SYNPR: variants seen among roughly 807,000 people sequenced by gnomAD.
SYNPR encodes the protein synaptoporin.
Under a neutral mutation model 32.9 loss-of-function variants are expected in SYNPR, and 23 were observed. The ratio of observed to expected loss-of-function variants is 0.70; its 90% CI spans 0.50 to 0.99. The LOEUF is 0.99. Among genes scored for constraint, SYNPR ranks in the 50% least tolerant of loss-of-function variants. SYNPR has a pLI of 0.00. For synonymous variants in SYNPR, 146 were observed against 135.9 expected, an observed-to-expected ratio of 1.07 and a Z score of -0.52; for missense variants, 318 against 349.3, an observed-to-expected ratio of 0.91 and a Z score of 0.71.
intron 3 of SYNPR, among the ~76,000 whole-genome samples, chr3:63,503,355 T>G (rs889676956): frequency 3.3e-5 from 5 of 152,162 alleles, no homozygotes; most frequent in Non-Finnish European, 7.4e-5. Context: ...CAGTCCTTTA[T>G]GAAATGTATC....
intron 2 of SYNPR, among the ~76,000 whole-genome samples, chr3:63,319,037 T>C (rs1372075874): frequency 2.0e-5 from 3 of 152,054 alleles, no homozygotes; most frequent in Non-Finnish European, 1.5e-5. Context: ...CTTCTGGGTC[T>C]AGCCACCCAG....
chr3:63,222,011 ATTTTTT>A, the SYNPR span, among the ~76,000 whole-genome samples: 27 of 56,414 alleles, frequency 4.8e-4, no homozygotes, highest in Admixed American at 1.0e-3. Flanking sequence ...GCCATGCTCA[ATTTTTT>A]TTTTTTTTTT....
intron 2 of SYNPR, among the ~76,000 whole-genome samples, chr3:63,391,290 G>A (rs543673086): frequency 6.6e-6 from 1 of 152,290 alleles, no homozygotes; most frequent in South Asian, 2.1e-4. Flanking sequence ...TTGCACCAAT[G>A]TGTCTCTGTG....
At chr3:63,279,799 A>G (rs928404672) in intron 2 of SYNPR, among the ~76,000 whole-genome samples, 8 of 152,198 alleles carry the variant, frequency 5.3e-5, no homozygotes, top group Non-Finnish European at 1.2e-4. Context: ...GTTTACACGG[A>G]TGATCTACAA....
intron 2 of SYNPR, among the ~76,000 whole-genome samples, chr3:63,320,913 C>T (rs578036077): frequency 2.3e-4 from 35 of 152,140 alleles, no homozygotes; most frequent in Admixed American, 1.7e-3. Flanking sequence ...AAATTATCAT[C>T]GAAAACTTGT....
At chr3:63,402,362 A>G (rs1276004770) in intron 2 of SYNPR, among the ~76,000 whole-genome samples, 1 of 152,168 alleles carries the variant, frequency 6.6e-6, no homozygotes, top group Non-Finnish European at 1.5e-5. Context: ...AATCTCCCCC[A>G]GTTGAGAACC....
chr3:63,259,250 C>T (rs1008677815), intron 2 of SYNPR, among the ~76,000 whole-genome samples: 2 of 152,182 alleles, frequency 1.3e-5, no homozygotes, highest in African/African-American at 4.8e-5. Context: ...GATACCAAAG[C>T]ATGGCAGAGA....
chr3:63,452,764 T>C (rs142276171), intron 2 of SYNPR, among the ~76,000 whole-genome samples: 44 of 152,276 alleles, frequency 2.9e-4, no homozygotes, highest in Non-Finnish European at 5.1e-4. Flanking sequence ...TTAGGTGCGT[T>C]TGACCCCAAG....
At chr3:63,402,342 G>A (rs939752695) in intron 2 of SYNPR, among the ~76,000 whole-genome samples, 2 of 152,050 alleles carry the variant, frequency 1.3e-5, no homozygotes, top group African/African-American at 4.8e-5. Flanking sequence ...GGTAGAACGG[G>A]GAGAGGCAGA....
intron 2 of SYNPR, among the ~76,000 whole-genome samples, chr3:63,409,031 A>C (rs2107115010): frequency 6.6e-6 from 1 of 151,932 alleles, no homozygotes; most frequent in Middle Eastern, 3.4e-3. Context: ...ACCCCTCCAA[A>C]CCAGGTGAAC....
At chr3:63,407,395 C>T (rs543564493) in intron 2 of SYNPR, among the ~76,000 whole-genome samples, 19 of 152,246 alleles carry the variant, frequency 1.2e-4, no homozygotes, top group African/African-American at 4.3e-4. Context: ...ATATAGTGGT[C>T]GAATCTGTGG....
intron 2 of SYNPR, chr3:63,443,466 T>C: frequency 6.2e-7 from 1 of 1,606,986 alleles, no homozygotes; most frequent in Non-Finnish European, 8.5e-7. Flanking sequence ...TGATATTTGC[T>C]CCGGTAAGTT....
chr3:63,452,949 T>G (rs1200947885), intron 2 of SYNPR, among the ~76,000 whole-genome samples: 2 of 152,148 alleles, frequency 1.3e-5, no homozygotes, highest in Non-Finnish European at 2.9e-5. Context: ...TTGTATGTAC[T>G]GAGAGTGTCG....
intron 3 of SYNPR, among the ~76,000 whole-genome samples, chr3:63,547,916 G>C (rs527623456): frequency 3.9e-5 from 6 of 152,268 alleles, no homozygotes; most frequent in Admixed American, 2.0e-4. Flanking sequence ...ATTTGGCATG[G>C]TGCCTGGGCT....
chr3:63,345,464 C>G (rs549071654), intron 2 of SYNPR, among the ~76,000 whole-genome samples: 1 of 152,254 alleles, frequency 6.6e-6, no homozygotes, highest in African/African-American at 2.4e-5. Flanking sequence ...TGTCGGGCTG[C>G]AGAAGAGAAG....
At chr3:63,600,778 G>C (rs1211176320) in intron 4 of SYNPR, among the ~76,000 whole-genome samples, 1 of 152,124 alleles carries the variant, frequency 6.6e-6, no homozygotes, top group Non-Finnish European at 1.5e-5. Context: ...TAAGTTTCTT[G>C]AGGCCTCCCC....
At chr3:63,430,850 T>A (rs1197987175) in intron 2 of SYNPR, among the ~76,000 whole-genome samples, 1 of 152,168 alleles carries the variant, frequency 6.6e-6, no homozygotes, top group Non-Finnish European at 1.5e-5. Flanking sequence ...ACAAGTAAAG[T>A]GTCACAGGCA....
chr3:63,440,046 T>C (rs1308442025), intron 2 of SYNPR, among the ~76,000 whole-genome samples: 1 of 152,050 alleles, frequency 6.6e-6, no homozygotes, highest in Non-Finnish European at 1.5e-5. Flanking sequence ...AACAAATAAA[T>C]AAGCAAGAAG....
At chr3:63,523,592 C>T (rs771050642) in intron 3 of SYNPR, among the ~76,000 whole-genome samples, 2 of 152,136 alleles carry the variant, frequency 1.3e-5, no homozygotes, top group African/African-American at 2.4e-5. Flanking sequence ...CTCCCTGATG[C>T]TCAATGTGAG....
Sources: gnomAD v4.1 joint callset for allele counts (sites outside exome capture counted in the v4.1 genomes callset) on GRCh38, gnomAD v4.1.1 for gene constraint, MANE v1.5 for transcripts, NCBI Gene and HGNC (gene_info 2026-07-23, HGNC 2026-07-21) for gene names.